TAAR8: variants seen among roughly 807,000 people sequenced by gnomAD.
TAAR8 encodes the protein trace amine-associated receptor 8.
For missense variants in TAAR8, 459 were observed against 405.8 expected (o/e 1.13, Z -1.13); for synonymous variants, 157 against 152.7 (o/e 1.03, Z -0.21).
exon 1 of TAAR8, chr6:132,552,786 G>C (rs777239652): frequency 6.2e-7 from 1 of 1,614,192 alleles, no homozygotes; most frequent in South Asian, 1.1e-5. Flanking sequence ...TGGGTCCCGG[G>C]TAATTCTGTA....
chr6:132,553,147 T>G (rs1776405529), exon 1 of TAAR8: 1 of 1,614,088 alleles, frequency 6.2e-7, no homozygotes, highest in Admixed American at 1.7e-5. Flanking sequence ...GGAATTTGCA[T>G]CAGCGTGTCC....
chr6:132,553,382 T>G (rs770118880), exon 1 of TAAR8: 106 of 1,614,002 alleles, frequency 6.6e-5, no homozygotes, highest in Middle Eastern at 1.6e-4. Context: ...CTATAAAAAT[T>G]GAAACTACTA....
chr6:132,553,312 T>C (rs1342341523), exon 1 of TAAR8: 2 of 1,614,218 alleles, frequency 1.2e-6, no homozygotes, highest in Non-Finnish European at 1.7e-6. Flanking sequence ...TTATTCTTCA[T>C]ACCTACCCTT....
At chr6:132,553,239 C>T in exon 1 of TAAR8, 1 of 1,614,186 alleles carries the variant, frequency 6.2e-7, no homozygotes, top group Non-Finnish European at 8.5e-7. Context: ...AGTAAGTGCT[C>T]TCAACTGCGT....
exon 1 of TAAR8, chr6:132,552,798 A>G: frequency 1.2e-6 from 2 of 1,614,114 alleles, no homozygotes; most frequent in Non-Finnish European, 8.5e-7. Flanking sequence ...AATTCTGTAC[A>G]CGGCGTTTAG....
Position 132,553,296 on chromosome 6 carries a change from T to C in TAAR8, c.604T>C (p.Phe202Leu), listed in dbSNP as rs752929579. 4 of 1,614,198 alleles carry C rather than the reference T, an allele frequency of 2.5e-6. No individual in the cohort carries two copies. In the East Asian group the frequency reaches 8.9e-5, roughly 36 times the overall value. Residue 202 changes from phenylalanine (F) to leucine (L), a missense_variant, in exon 1 of 1, where the codon TTT becomes CTT. By Grantham distance (22) the Phe-to-Leu change is conservative. Coordinates refer to ENST00000275200, the Ensembl canonical transcript of TAAR8. ...AAGTCAAGGCTGGGTGTTGATAGATTTTCTGTTATTCTTCATACCTACCCT... is the reference window on the plus strand; with the variant it reads ...AAGTCAAGGCTGGGTGTTGATAGATCTTCTGTTATTCTTCATACCTACCCT...
exon 1 of TAAR8, chr6:132,553,479 G>T (rs1776411026): frequency 1.9e-6 from 3 of 1,614,090 alleles, no homozygotes; most frequent in Non-Finnish European, 2.5e-6. Context: ...GGGGGTCACG[G>T]TACTAGCATT....
At position 132,553,465 on chromosome 6, in the gene TAAR8, C is replaced by A. The variant is rs779603906; in HGVS notation, c.773C>A (p.Thr258Asn). Residue 258 changes from threonine (T) to asparagine (N), a missense_variant, in exon 1 of 1, where the codon ACC (threonine) becomes AAC (asparagine). Transcript: ENST00000275200. ...AAGAGAGAGAGGAAAGCAGCTAAAA[C>A]CCTGGGGGTCACGGTACTAGCATTT... The A allele has an allele frequency of 2.5e-6, 4 of 1,613,968 alleles. No homozygotes were observed. Among genetic ancestry groups the A allele is most frequent in the Non-Finnish European group, 3.4e-6 (4 of 1,180,018 alleles).
Position 132,553,459 on chromosome 6 carries a change from CT to C in TAAR8, c.768del (p.Thr258ProfsTer7). On this transcript the variant is annotated frameshift_variant, in exon 1 of 1. Transcript: ENST00000275200. LOFTEE classifies it low-confidence loss of function (END_TRUNC). ...GTGGCCAAGAGAGAGAGGAAAGCAG[CT>C]AAAACCCTGGGGGTCACGGTACTAG... 1.9e-6 allele frequency: 3 copies of C among 1,614,130 alleles called. No individual in the cohort carries two copies. The highest frequency in any genetic ancestry group is 2.5e-6 in the Non-Finnish European group (3 of 1,180,014).
chr6:132,552,984 T>C (rs1776402392), exon 1 of TAAR8: 13 of 1,614,114 alleles, frequency 8.1e-6, no homozygotes, highest in Non-Finnish European at 1.0e-5. Context: ...GAGCTGCTGG[T>C]ATTTTGGAGC....
At chr6:132,552,693 A>G (rs780570094) in exon 1 of TAAR8, 39 of 1,604,310 alleles carry the variant, frequency 2.4e-5, no homozygotes, top group Non-Finnish European at 3.4e-6. Context: ...CAGCAGAACC[A>G]TGACCAGCAA....
rs769143571 is a variant in TAAR8, at chr6:132,552,712, A to G, written c.20A>G (p.Gln7Arg). The G allele has an allele frequency of 5.0e-6, 8 of 1,608,002 alleles. No individual in the cohort carries two copies. In the Admixed American group the frequency reaches 6.7e-5, roughly 13 times the overall value. The change falls in exon 1 of 1, where the codon CAA becomes CGA. Residue 7 changes from glutamine (Q) to arginine (R), a missense_variant. Gln to Arg is a conservative substitution (Grantham distance 43). Coordinates refer to ENST00000275200, the Ensembl canonical transcript of TAAR8. ...AGAACCATGACCAGCAATTTTTCCC[A>G]ACCTGTTGTGCAGCTTTGCTATGAG...
At position 132,553,207 on chromosome 6, in the gene TAAR8, A is replaced by G. The variant is rs765614134; in HGVS notation, c.515A>G (p.Asn172Ser). ...GGTGCTGTGTTCTACACAGGTGTCA[A>G]TGATGATGGGCTGGAGGAATTAGTA... The change falls in exon 1 of 1, where the codon AAT (asparagine) becomes AGT (serine). Residue 172 changes from asparagine to serine, a missense_variant. Coordinates refer to ENST00000275200, the Ensembl canonical transcript of TAAR8. 6 of 1,614,086 alleles carry G rather than the reference A, an allele frequency of 3.7e-6. No homozygotes were observed. In the South Asian group the frequency reaches 4.4e-5, roughly 12 times the overall value.
chr6:132,553,347 A>G (rs1776409071), exon 1 of TAAR8: 2 of 1,614,020 alleles, frequency 1.2e-6, no homozygotes, highest in African/African-American at 1.3e-5. Flanking sequence ...TTACAGTAAG[A>G]TTTTTCTTAT....
In TAAR8 at chr6:132,552,933, GGT is replaced by G; in HGVS notation, c.245_246del (p.Val82AspfsTer29). ...TCTGGCCTGTGCTGACTTCTTGGTAGGTGTGACTGTGATGCTTTTCAGCATGG... is the reference window on the plus strand; with the variant it reads ...TCTGGCCTGTGCTGACTTCTTGGTAGGTGACTGTGATGCTTTTCAGCATGG... On this transcript the variant is annotated frameshift_variant, in exon 1 of 1. Coordinates refer to ENST00000275200, the Ensembl canonical transcript of TAAR8. LOFTEE classifies it low-confidence loss of function (END_TRUNC). 6.2e-7 allele frequency: 1 copy of G among 1,614,184 alleles called. No individual in the cohort carries two copies.
exon 1 of TAAR8, chr6:132,553,217 G>A (rs755191333): frequency 1.2e-6 from 2 of 1,614,044 alleles, no homozygotes; most frequent in East Asian, 2.2e-5. Context: ...ATGATGATGG[G>A]CTGGAGGAAT....
exon 1 of TAAR8, chr6:132,553,264 T>G: frequency 6.2e-7 from 1 of 1,614,178 alleles, no homozygotes; most frequent in Non-Finnish European, 8.5e-7. Flanking sequence ...GGCTGTCAAA[T>G]TATTGTAAGT....
rs768588202 is a variant in TAAR8 at position 132,553,635 on chromosome 6, C to G, written c.943C>G (p.Pro315Ala). The G allele has an allele frequency of 1.2e-6, 2 of 1,613,600 alleles. No individual in the cohort carries two copies. The highest frequency in any genetic ancestry group is 1.3e-5 in the African/African-American group (1 of 74,876). ...TCCTTTGATTTATGCTCTATTTTAT[C>G]CTTGGTTTAGGAAAGCCATAAAACT... is the stretch of plus-strand genomic sequence containing the variant. The change falls in exon 1 of 1, where the codon CCT becomes GCT. Residue 315 changes from proline (P) to alanine (A), a missense_variant. Physicochemically the swap from Pro to Ala is conservative, Grantham distance 27. Transcript: ENST00000275200.
At chr6:132,552,990 G>A in exon 1 of TAAR8, 1 of 1,614,150 alleles carries the variant, frequency 6.2e-7, no homozygotes, top group East Asian at 2.2e-5. Flanking sequence ...CTGGTATTTT[G>A]GAGCCAAATT....
Sources: gnomAD v4.1 joint callset for allele counts on GRCh38, gnomAD v4.1.1 for gene constraint, MANE v1.5 for transcripts, NCBI Gene and HGNC (gene_info 2026-07-23, HGNC 2026-07-21) for gene names.